The following DOP1A variants were observed in gnomAD, a reference collection of about 807,000 sequenced individuals.
The protein encoded by DOP1A is DOP1 leucine zipper like protein A, also known as protein DOP1A.
Under a neutral mutation model 267.6 loss-of-function variants are expected in DOP1A, and 90 were observed. That is an observed-to-expected ratio of 0.34 (90% CI 0.28 to 0.40). The LOEUF (loss-of-function observed/expected upper bound fraction) is 0.40, where lower values mean the gene tolerates loss of function less well. DOP1A is among the 10% of genes least tolerant of loss of function. DOP1A has a pLI of 1.00. For missense variants in DOP1A, 2,437 were observed against 2,900.4 expected (o/e 0.84, Z 3.67); for synonymous variants, 932 against 999.1 (o/e 0.93, Z 1.27).
In DOP1A at chr6:83,168,393, T is replaced by C. The variant is rs1434686130; in HGVS notation, c.*226T>C. ...ATGGTGCCTAAGAGAGCTATATATATACACATGTAAAGTCCATTGTTTTTA... is the reference window on the plus strand; with the variant it reads ...ATGGTGCCTAAGAGAGCTATATATACACACATGTAAAGTCCATTGTTTTTA... On this transcript the variant is annotated 3_prime_UTR_variant, in exon 39 of 39. Transcript: ENST00000349129. 2 of 1,297,764 alleles carry C rather than the reference T, an allele frequency of 1.5e-6. No homozygotes were observed. Among genetic ancestry groups the C allele is most frequent in the East Asian group, 3.3e-5 (1 of 30,698 alleles). 80.4% of individuals were successfully genotyped at this position (1,297,764 alleles called of 1,614,324 possible).
chr6:83,124,622 C>A, intron 12 of DOP1A, 83 bp from the exon 13 acceptor site: 1 of 1,019,612 alleles, frequency 9.8e-7, no homozygotes, highest in Non-Finnish European at 1.5e-6. Flanking sequence ...TTGACTTGGA[C>A]TTCATTAGAA....
intron 5 of DOP1A, 30 bp from the exon 6 acceptor site, chr6:83,110,095 C>A: frequency 6.6e-7 from 1 of 1,511,214 alleles, no homozygotes. Context: ...TAAATGTTTC[C>A]CTTCTTAAAC....
chr6:83,152,559 A>T (rs1466296936), intron 30 of DOP1A, among the ~76,000 whole-genome samples, 192 bp downstream of exon 30: 5 of 151,864 alleles, frequency 3.3e-5, no homozygotes, highest in African/African-American at 1.2e-4. Flanking sequence ...CATTAGTGAT[A>T]AATTTAGATA....
chr6:83,087,540 G>A (rs1038706722), intron 1 of DOP1A, among the ~76,000 whole-genome samples: 24 of 152,184 alleles, frequency 1.6e-4, no homozygotes, highest in African/African-American at 5.3e-4. Context: ...AACAGCCTCC[G>A]TGAAAGTGAA....
Position 83,125,629 on chromosome 6 carries a change from A to G in DOP1A, c.1615A>G (p.Ile539Val), listed in dbSNP as rs201795238. ...AGATTCTCTCAGACTCTGCTCAAAGATCCTTAGCAAGGTTCAGCCTCCACT... is the reference window on the plus strand; with the variant it reads ...AGATTCTCTCAGACTCTGCTCAAAGGTCCTTAGCAAGGTTCAGCCTCCACT... Reference protein sequence around the residue: ...LTDSLRLCSKILSKVQPPLLS... With the variant: ...LTDSLRLCSKVLSKVQPPLLS... Residue 539 changes from isoleucine (I) to valine (V), a missense_variant, in exon 15 of 39, where the codon ATC becomes GTC. By Grantham distance (29) the Ile-to-Val change is conservative. Coordinates refer to ENST00000349129, the MANE Select transcript of DOP1A (RefSeq NM_015018.4). 7.9e-5 allele frequency: 128 copies of G among 1,613,726 alleles called. No homozygotes were observed. Among genetic ancestry groups the G allele is most frequent in the Non-Finnish European group, 9.2e-5 (109 of 1,179,838 alleles).
At position 83,141,912 on chromosome 6, in the gene DOP1A, T is replaced by C; in HGVS notation, c.5416-9T>C. ...AAGTTTCACTTTCATTTGCTTCAAA[T>C]TGTTTTAGAACTTGAGACAACAGAT... On this transcript the variant is annotated splice_polypyrimidine_tract_variant and intron_variant, in intron 23 of 38. Coordinates refer to ENST00000349129, the MANE Select transcript of DOP1A (RefSeq NM_015018.4). 1.3e-6 allele frequency: 2 copies of C among 1,579,394 alleles called. No individual in the cohort carries two copies. The highest frequency in any genetic ancestry group is 1.7e-6 in the Non-Finnish European group (2 of 1,169,772).
intron 10 of DOP1A, among the ~76,000 whole-genome samples, chr6:83,121,660 T>C: frequency 6.6e-6 from 1 of 151,752 alleles, no homozygotes; most frequent in East Asian, 1.9e-4. Flanking sequence ...GTTAAATAAC[T>C]TGTCTAATGT....
chr6:83,130,292 T>C lies in DOP1A; in HGVS notation c.2511T>C (p.Pro837=). ...VTGENINSVE[P]AQPLSPNQGR... The stretch of plus-strand genomic sequence containing the variant: ...GGGAAAACATCAACAGTGTAGAGCC[T>C]GCACAACCCTTAAGTCCAAACCAGG... The change falls in exon 17 of 39, where the codon CCT becomes CCC. Residue 837 remains proline, a synonymous_variant. Coordinates refer to ENST00000349129, the MANE Select transcript of DOP1A (RefSeq NM_015018.4). 6.2e-7 allele frequency: 1 copy of C among 1,613,966 alleles called. No homozygotes were observed. The highest frequency in any genetic ancestry group is 8.5e-7 in the Non-Finnish European group (1 of 1,179,952).
Position 83,121,931 on chromosome 6 carries a change from A to G in DOP1A, c.1101A>G (p.Gly367=), listed in dbSNP as rs774590993. 12 of 1,593,720 alleles carry G rather than the reference A, an allele frequency of 7.5e-6. No individual in the cohort carries two copies. The highest frequency in any genetic ancestry group is 3.4e-5 in the Admixed American group (2 of 57,998). ...CTTTAATTTGAATATTAATTTTAGG[A>G]CCTGTAATTCTAGAAGATGTCCTGA... ...LISLLDKPEL[G]PVILEDVLIE... The change falls in exon 11 of 39, where the codon GGA becomes GGG. Residue 367 remains glycine (G), a splice_region_variant and synonymous_variant. Transcript: ENST00000349129.
chr6:83,112,722 C>A (rs905271801), intron 6 of DOP1A, among the ~76,000 whole-genome samples: 3 of 152,190 alleles, frequency 2.0e-5, no homozygotes, highest in African/African-American at 7.2e-5. Context: ...CTTAGCCTCC[C>A]AAAGTGCTGG....
In DOP1A at chr6:83,130,245, C is replaced by G; in HGVS notation, c.2464C>G (p.Gln822Glu). Residue 822 changes from glutamine (Q) to glutamate (E), a missense_variant, in exon 17 of 39, where the codon CAG (glutamine) becomes GAG (glutamate). By Grantham distance (29) the Gln-to-Glu change is conservative. Coordinates refer to ENST00000349129, the MANE Select transcript of DOP1A (RefSeq NM_015018.4). ...SLVMDLVGLTQSVAMVTGENI... is the reference protein window; with the variant it reads ...SLVMDLVGLTESVAMVTGENI... ...AGTTATGGACCTGGTGGGACTGACACAGTCTGTGGCCATGGTCACTGGGGA... is the reference window on the plus strand; with the variant it reads ...AGTTATGGACCTGGTGGGACTGACAGAGTCTGTGGCCATGGTCACTGGGGA... 2 of 1,614,024 alleles carry G rather than the reference C, an allele frequency of 1.2e-6. No individual in the cohort carries two copies. The highest frequency in any genetic ancestry group is 1.7e-6 in the Non-Finnish European group (2 of 1,179,992).
Position 83,138,096 on chromosome 6 carries a change from C to A in DOP1A, c.4054C>A (p.Pro1352Thr), listed in dbSNP as rs925545375. The change falls in exon 21 of 39, where the codon CCA becomes ACA. Residue 1352 changes from proline to threonine, a missense_variant. Pro to Thr is a conservative substitution (Grantham distance 38). Around this residue, in one of 9 missense-constraint regions of DOP1A, gnomAD observed 878 missense variants for 992.9 expected, o/e 0.88. Coordinates refer to ENST00000349129, the MANE Select transcript of DOP1A (RefSeq NM_015018.4). ...ISEIESDMGS[P>T]GSRKSPNFNI... ...TGAAATTGAGAGTGACATGGGTTCT[C>A]CAGGATCTCGAAAATCTCCCAATTT... The A allele has an allele frequency of 6.2e-7, 1 of 1,613,740 alleles. No individual in the cohort carries two copies. Among genetic ancestry groups the A allele is most frequent in the Non-Finnish European group, 8.5e-7 (1 of 1,179,844 alleles).
intron 13 of DOP1A, 38 bp from the exon 14 acceptor site, chr6:83,125,128 G>C: frequency 1.3e-6 from 2 of 1,566,050 alleles, no homozygotes; most frequent in Non-Finnish European, 1.7e-6. Flanking sequence ...TTTCCCTTCT[G>C]TTTTCTCTCC....
chr6:83,086,082 T>C (rs1390509344), intron 1 of DOP1A, among the ~76,000 whole-genome samples: 2 of 152,034 alleles, frequency 1.3e-5, no homozygotes, highest in Non-Finnish European at 2.9e-5. Flanking sequence ...GGAGATAACC[T>C]AAAGGGAAAG....
chr6:83,069,613 T>TA (rs979846623), intron 1 of DOP1A, among the ~76,000 whole-genome samples: 4 of 152,168 alleles, frequency 2.6e-5, no homozygotes, highest in East Asian at 1.9e-4. Flanking sequence ...CTCACTTGTA[T>TA]AAAAAAAATT....
At chr6:83,146,996 G>T (rs1229016639) in intron 25 of DOP1A, among the ~76,000 whole-genome samples, 2 of 152,144 alleles carry the variant, frequency 1.3e-5, no homozygotes, top group Non-Finnish European at 2.9e-5. Context: ...TATATGGAAG[G>T]AAAAATTGAC....
At chr6:83,164,796 G>A (rs1785061944) in intron 38 of DOP1A, 1 of 1,210,538 alleles carries the variant, frequency 8.3e-7, no homozygotes, top group African/African-American at 1.5e-5. Flanking sequence ...AGGTCTGAAT[G>A]TCAACAAGTA....
intron 25 of DOP1A, 62 bp downstream of exon 25, chr6:83,145,720 AT>A (rs199519642): frequency 1.5e-4 from 235 of 1,536,056 alleles, no homozygotes; most frequent in South Asian, 2.3e-4. Context: ...TGCTGGTAAG[AT>A]TTTTTTTTGT....
At chr6:83,120,978 G>A (rs1019518020) in intron 10 of DOP1A, among the ~76,000 whole-genome samples, 187 bp downstream of exon 10, 1 of 151,836 alleles carries the variant, frequency 6.6e-6, no homozygotes, top group African/African-American at 2.4e-5. Flanking sequence ...ACGTTATTAT[G>A]TATCTGTCTT....
Sources: gnomAD v4.1 joint callset for allele counts (sites outside exome capture counted in the v4.1 genomes callset) on GRCh38, gnomAD v4.1.1 for gene constraint, gnomAD v4.1.1 regional missense constraint, MANE v1.5 for transcripts, NCBI Gene and HGNC (gene_info 2026-07-23, HGNC 2026-07-21) for gene names.